The following IQCH variants were observed in gnomAD, a reference collection of about 807,000 sequenced individuals.
IQCH encodes IQ motif containing H, also known as IQ domain-containing protein H.
IQCH carries 98 observed loss-of-function variants against 117.0 expected under a neutral mutation model. The ratio of observed to expected loss-of-function variants is 0.84; its 90% CI spans 0.71 to 0.99. The LOEUF (loss-of-function observed/expected upper bound fraction) is 0.99, where lower values mean the gene tolerates loss of function less well. Among genes scored for constraint, IQCH ranks in the 50% least tolerant of loss-of-function variants. IQCH has a pLI of 0.00. For synonymous variants in IQCH, 412 were observed against 448.2 expected (o/e 0.92, Z 1.02); for missense variants, 1,102 against 1,243.8 (o/e 0.89, Z 1.72).
At chr15:67,451,899 TG>T (rs1436827187) in intron 16 of IQCH, among the ~76,000 whole-genome samples, 1 of 152,264 alleles carries the variant, frequency 6.6e-6, no homozygotes, top group Non-Finnish European at 1.5e-5. Flanking sequence ...TTTATGCATC[TG>T]GGTGCTCCTG....
chr15:67,396,530 G>A (rs1452469754), intron 13 of IQCH, among the ~76,000 whole-genome samples: 1 of 152,186 alleles, frequency 6.6e-6, no homozygotes, highest in Non-Finnish European at 1.5e-5. Flanking sequence ...AGTTAGCCCT[G>A]GCAGATGTTC....
At chr15:67,355,159 AT>A (rs1292390201) in intron 6 of IQCH, among the ~76,000 whole-genome samples, 1 of 152,222 alleles carries the variant, frequency 6.6e-6, no homozygotes, top group African/African-American at 2.4e-5. Context: ...TATATTTAAT[AT>A]TTGAGACATA....
intron 3 of IQCH, among the ~76,000 whole-genome samples, chr15:67,267,455 T>A (rs1965722663): frequency 6.6e-6 from 1 of 152,228 alleles, no homozygotes; most frequent in African/African-American, 2.4e-5. Context: ...AACCAATATA[T>A]TTTTGGACAT....
chr15:67,394,517 C>A (rs1971394973), intron 12 of IQCH, among the ~76,000 whole-genome samples: 1 of 152,184 alleles, frequency 6.6e-6, no homozygotes, highest in East Asian at 1.9e-4. Context: ...GTGTCCCCAC[C>A]CCTCAAAAAC....
chr15:67,326,033 T>C (rs1968390816), intron 4 of IQCH, among the ~76,000 whole-genome samples: 1 of 152,228 alleles, frequency 6.6e-6, no homozygotes. Context: ...TTGTTGCATG[T>C]GTGTGCGTGT....
chr15:67,348,677 G>A (rs1271951711), intron 6 of IQCH, among the ~76,000 whole-genome samples: 1 of 152,162 alleles, frequency 6.6e-6, no homozygotes, highest in East Asian at 1.9e-4. Flanking sequence ...AAATATTTTT[G>A]TAATTAATTT....
At chr15:67,355,539 G>A (rs1969857378) in intron 6 of IQCH, among the ~76,000 whole-genome samples, 1 of 151,488 alleles carries the variant, frequency 6.6e-6, no homozygotes, top group Non-Finnish European at 1.5e-5. Flanking sequence ...GCAGTGAGCC[G>A]AGATTGTGCC....
chr15:67,302,326 A>G (rs532424245), intron 4 of IQCH, among the ~76,000 whole-genome samples: 2 of 152,154 alleles, frequency 1.3e-5, no homozygotes, highest in African/African-American at 4.8e-5. Context: ...GAAGGAAAAA[A>G]TTATGTTCAG....
At chr15:67,278,368 T>C (rs1364452319) in intron 3 of IQCH, among the ~76,000 whole-genome samples, 1 of 152,200 alleles carries the variant, frequency 6.6e-6, no homozygotes, top group Non-Finnish European at 1.5e-5. Flanking sequence ...AAGATTCTCC[T>C]CCCTGCCCCC....
rs927100425 is a variant in IQCH at position 67,475,090 on chromosome 15, G to T, written c.2677-606G>T. Among the ~76,000 whole-genome samples the T allele has an allele frequency of 1.3e-5, 2 of 152,182 alleles. No homozygotes were observed. The highest frequency in any genetic ancestry group is 2.4e-5 in the African/African-American group (1 of 41,444). On this transcript the variant is annotated intron_variant, in intron 17 of 20. Transcript: ENST00000335894. The surrounding 1 kb of genome is among the most constrained non-coding windows in gnomAD (Gnocchi z 5.7). ...GAAGCCTAAGGAGATATGACAGCTA[G>T]TTACGGTGCAGTGTCTCAGATGGGG...
At chr15:67,434,689 G>A (rs919717555) in intron 16 of IQCH, among the ~76,000 whole-genome samples, 1 of 152,114 alleles carries the variant, frequency 6.6e-6, no homozygotes, top group Non-Finnish European at 1.5e-5. Flanking sequence ...GTTTTCCACA[G>A]TGGCTGTACT....
intron 3 of IQCH, among the ~76,000 whole-genome samples, chr15:67,266,773 AT>A (rs1046356886): frequency 1.3e-5 from 2 of 152,036 alleles, no homozygotes; most frequent in African/African-American, 4.8e-5. Context: ...AAGTTTTGGG[AT>A]TTTTTTGGCT....
intron 3 of IQCH, among the ~76,000 whole-genome samples, chr15:67,279,075 C>T (rs1173539325): frequency 1.3e-5 from 2 of 152,066 alleles, no homozygotes; most frequent in South Asian, 2.1e-4. Context: ...CAAAATACAA[C>T]ATTATGTATT....
intron 14 of IQCH, among the ~76,000 whole-genome samples, chr15:67,410,689 C>T (rs2081427647): frequency 6.6e-6 from 1 of 152,188 alleles, no homozygotes; most frequent in Non-Finnish European, 1.5e-5. Context: ...CATAGTTAGG[C>T]ATGGGGAAAG....
rs1290938021 is a variant in IQCH at position 67,404,889 on chromosome 15, A to G, written c.2097+4584A>G. 2.0e-5 allele frequency: 3 copies of G among 152,208 alleles called. No homozygotes were observed. Among genetic ancestry groups the G allele is most frequent in the Non-Finnish European group, 4.4e-5 (3 of 68,036 alleles). 9.4% of individuals were successfully genotyped at this position (152,208 alleles called of 1,614,324 possible). On this transcript the variant is annotated intron_variant, in intron 14 of 20. Coordinates refer to ENST00000335894, the MANE Select transcript of IQCH (RefSeq NM_001031715.3). The surrounding 1 kb of genome is among the most constrained non-coding windows in gnomAD (Gnocchi z 4.6). ...CTGTTGAGTTACTTCCCGAGGAGAA[A>G]GACCCAGGAGTAGAATATTTTATGG... is the stretch of plus-strand genomic sequence containing the variant.
At chr15:67,434,509 A>G (rs572164892) in intron 16 of IQCH, among the ~76,000 whole-genome samples, 13 of 152,316 alleles carry the variant, frequency 8.5e-5, no homozygotes, top group African/African-American at 1.2e-4. Context: ...TCTGTCATCA[A>G]CTGACACTTA....
At chr15:67,285,669 T>C (rs1006054194) in intron 4 of IQCH, among the ~76,000 whole-genome samples, 1 of 152,222 alleles carries the variant, frequency 6.6e-6, no homozygotes, top group African/African-American at 2.4e-5. Context: ...CTTCTGCATA[T>C]GGCTAACCAG....
chr15:67,254,885 C>T lies in IQCH; in HGVS notation c.-12C>T, dbSNP rs762775024. ...CGCGCCTCCGCGGAGGTAGCCGTTC[C>T]CTGACCTAGCCATGGCACAGAACAC... On this transcript the variant is annotated 5_prime_UTR_variant, in exon 1 of 21. Transcript: ENST00000335894. 1 of 1,613,396 alleles carries T rather than the reference C, an allele frequency of 6.2e-7. No individual in the cohort carries two copies. The highest frequency in any genetic ancestry group is 1.7e-5 in the Admixed American group (1 of 59,992).
Position 67,372,305 on chromosome 15 carries a change from A to T in IQCH, c.948A>T (p.Glu316Asp). The change falls in exon 9 of 21, where the codon GAA becomes GAT. Residue 316 changes from glutamate (E) to aspartate (D), a missense_variant. Physicochemically the swap from Glu to Asp is conservative, Grantham distance 45 (BLOSUM62 2). Transcript: ENST00000335894. ...EKFLRNYAIP[E>D]VKIKGNNLVA... ...TTCTCAGGAACTATGCTATACCAGA[A>T]GTCAAAATAAAAGGGAATAATTTGG... is the stretch of plus-strand genomic sequence containing the variant. 6.2e-7 allele frequency: 1 copy of T among 1,614,150 alleles called. No homozygotes were observed. The highest frequency in any genetic ancestry group is 8.5e-7 in the Non-Finnish European group (1 of 1,180,016).
Sources: allele counts gnomAD v4.1 joint callset (sites outside exome capture counted in the v4.1 genomes callset), GRCh38; gene constraint gnomAD v4.1.1; non-coding constraint Gnocchi (gnomAD v3.1); transcripts MANE v1.5; gene names NCBI Gene and HGNC (gene_info 2026-07-23, HGNC 2026-07-21).